The following MAP3K7CL variants were observed in gnomAD, a reference collection of about 807,000 sequenced individuals.
MAP3K7CL encodes the protein MAP3K7 C-terminal like.
In MAP3K7CL, 16 loss-of-function variants were observed where a neutral mutation model predicts 18.6. The ratio of observed to expected loss-of-function variants is 0.86; its 90% CI spans 0.58 to 1.31. The LOEUF is 1.31. MAP3K7CL is among the 50% of genes most tolerant of loss of function. The pLI, the probability that MAP3K7CL is intolerant of heterozygous loss-of-function variation, is 0.00. For missense variants in MAP3K7CL, 163 were observed against 174.4 expected, an observed-to-expected ratio of 0.93 and a Z score of 0.37; for synonymous variants, 65 against 66.8, an observed-to-expected ratio of 0.97 and a Z score of 0.13.
chr21:29,164,098 TAA>T (rs1193043438), intron 4 of MAP3K7CL, among the ~76,000 whole-genome samples: 1 of 139,520 alleles, frequency 7.2e-6, no homozygotes, highest in African/African-American at 2.6e-5. Flanking sequence ...AGACTCCATT[TAA>T]AAAAAAAAAA....
At position 29,170,925 on chromosome 21, in the gene MAP3K7CL, C is replaced by T. The variant is rs976570964; in HGVS notation, c.249-3787C>T. Among the ~76,000 whole-genome samples the T allele has an allele frequency of 3.6e-5, 5 of 140,436 alleles. No homozygotes were observed. In the South Asian group the frequency reaches 1.1e-3, roughly 32 times the overall value. The allele number at this position is 140,436 out of a possible 152,430, so 92.1% of individuals were successfully genotyped here. A position where few individuals can be genotyped will look rare whatever the true frequency, so the allele number is the denominator to read the frequency against. ...AAGTGCTGGAATTACAGGTGTGAGCCTCTGTGCCTGCCTCTTTTTTTTTTT... is the reference window on the plus strand; with the variant it reads ...AAGTGCTGGAATTACAGGTGTGAGCTTCTGTGCCTGCCTCTTTTTTTTTTT... On this transcript the variant is annotated intron_variant, in intron 4 of 4. Transcript: ENST00000399928.
At chr21:29,087,746 A>G (rs2085951710) in intron 1 of MAP3K7CL, among the ~76,000 whole-genome samples, 1 of 151,594 alleles carries the variant, frequency 6.6e-6, no homozygotes, top group African/African-American at 2.4e-5. Context: ...GGCTCCCACC[A>G]CCACGACCGG....
In MAP3K7CL at chr21:29,149,179, C is replaced by T. The variant is rs1231594756; in HGVS notation, c.71-10C>T. The T allele has an allele frequency of 6.2e-7, 1 of 1,612,828 alleles. No individual in the cohort carries two copies. The highest frequency in any genetic ancestry group is 8.5e-7 in the Non-Finnish European group (1 of 1,178,838). On this transcript the variant is annotated splice_polypyrimidine_tract_variant and intron_variant, in intron 2 of 4. Transcript: ENST00000399928. ...CCATAGTGAAGAATCATTTTATTTC[C>T]TTGTTTTAGATGATACACCCCCTGA...
intron 3 of MAP3K7CL, among the ~76,000 whole-genome samples, chr21:29,159,324 G>A (rs1001155370): frequency 1.3e-5 from 2 of 152,134 alleles, no homozygotes; most frequent in African/African-American, 4.8e-5. Context: ...CTTCTTTCAT[G>A]GATGGGAGAA....
chr21:29,090,233 G>A (rs1391265960), intron 1 of MAP3K7CL, among the ~76,000 whole-genome samples: 2 of 152,108 alleles, frequency 1.3e-5, no homozygotes, highest in Non-Finnish European at 2.9e-5. Flanking sequence ...ACCAAAAGAG[G>A]ACACAATGTT....
At chr21:29,168,756 G>A (rs762419754) in intron 4 of MAP3K7CL, among the ~76,000 whole-genome samples, 1 of 152,182 alleles carries the variant, frequency 6.6e-6, no homozygotes, top group African/African-American at 2.4e-5. Context: ...TCATTGCCAA[G>A]ATCTGATTTT....
upstream of MAP3K7CL, among the ~76,000 whole-genome samples, chr21:29,082,037 A>C (rs1401016205): frequency 3.9e-5 from 6 of 152,348 alleles, no homozygotes; most frequent in Middle Eastern, 3.4e-3. Context: ...TGGTTATTTC[A>C]AAATGAATAA....
At chr21:29,102,962 C>T (rs779564524) in intron 4 of MAP3K7CL, among the ~76,000 whole-genome samples, 5 of 152,118 alleles carry the variant, frequency 3.3e-5, no homozygotes, top group Non-Finnish European at 5.9e-5. Context: ...AGGACTGCTG[C>T]CCCCACCAGC....
At chr21:29,174,369 T>TTAACTACA (rs777988541) in intron 4 of MAP3K7CL, among the ~76,000 whole-genome samples, 33 of 152,188 alleles carry the variant, frequency 2.2e-4, no homozygotes, top group Non-Finnish European at 3.7e-4. Flanking sequence ...TACAAGACAA[T>TTAACTACA]AGGCAGCATC....
intron 4 of MAP3K7CL, among the ~76,000 whole-genome samples, chr21:29,166,626 T>C (rs2735964): frequency 0.87 from 133,094 of 152,232 alleles, 58,454 homozygotes; most frequent in African/African-American, 0.93. Context: ...TTTGCTTATT[T>C]TGGACATTTC....
chr21:29,166,272 G>T (rs1279827903), intron 4 of MAP3K7CL, among the ~76,000 whole-genome samples: 1 of 152,072 alleles, frequency 6.6e-6, no homozygotes, highest in Admixed American at 6.6e-5. Context: ...GTCCTTCTGT[G>T]CCTCACTTAT....
intron 4 of MAP3K7CL, among the ~76,000 whole-genome samples, chr21:29,110,785 G>A (rs1003468188): frequency 6.6e-6 from 1 of 152,076 alleles, no homozygotes; most frequent in Non-Finnish European, 1.5e-5. Context: ...CTGCTTTCAT[G>A]TTCTTAATTG....
chr21:29,163,701 T>TC (rs1217978191), intron 4 of MAP3K7CL, among the ~76,000 whole-genome samples: 1 of 149,888 alleles, frequency 6.7e-6, no homozygotes, highest in East Asian at 1.9e-4. Context: ...TCCTTTTTTT[T>TC]TTTTTTTTTT....
chr21:29,128,424 T>G (rs2086718000), upstream of MAP3K7CL, among the ~76,000 whole-genome samples: 1 of 151,934 alleles, frequency 6.6e-6, no homozygotes. Context: ...TGCCTCAGCC[T>G]CCCGAGTAGC....
chr21:29,091,669 G>A (rs1045521448), exon 3 of MAP3K7CL: 10 of 701,834 alleles, frequency 1.4e-5, no homozygotes, highest in African/African-American at 1.4e-4. Context: ...TTTTCATAGA[G>A]ATGGAGTCTC....
At chr21:29,081,666 ACT>A (rs534767050), upstream of MAP3K7CL, among the ~76,000 whole-genome samples, 87 of 151,990 alleles carry the variant, frequency 5.7e-4, 1 homozygote, top group African/African-American at 2.0e-3. Flanking sequence ...AGGTAAATTT[ACT>A]CTTTCTTTTA....
At chr21:29,148,499 C>T (rs1022189703) in intron 2 of MAP3K7CL, among the ~76,000 whole-genome samples, 6 of 152,142 alleles carry the variant, frequency 3.9e-5, no homozygotes, top group African/African-American at 1.4e-4. Context: ...TGCATCTTGC[C>T]ATCCAGCAAC....
At chr21:29,087,217 C>T (rs1301417536) in intron 1 of MAP3K7CL, among the ~76,000 whole-genome samples, 2 of 152,162 alleles carry the variant, frequency 1.3e-5, no homozygotes, top group East Asian at 1.9e-4. Context: ...ATCTCGTCTC[C>T]CCAGAGAGGG....
chr21:29,086,404 G>A (rs2085926489), intron 1 of MAP3K7CL, among the ~76,000 whole-genome samples: 1 of 152,152 alleles, frequency 6.6e-6, no homozygotes, highest in Non-Finnish European at 1.5e-5. Flanking sequence ...ACCAGCTCTG[G>A]AAAATGAGTG....
Sources: allele counts gnomAD v4.1 joint callset (sites outside exome capture counted in the v4.1 genomes callset), GRCh38; gene constraint gnomAD v4.1.1; transcripts MANE v1.5; gene names NCBI Gene and HGNC (gene_info 2026-07-23, HGNC 2026-07-21).